The following MTHFD1L variants were observed in gnomAD, a reference collection of about 807,000 sequenced individuals.
The protein encoded by MTHFD1L is methylenetetrahydrofolate dehydrogenase (NADP+ dependent) 1 like, also known as monofunctional C1-tetrahydrofolate synthase, mitochondrial.
A neutral mutation model predicts 119.5 loss-of-function variants in MTHFD1L; 81 were observed. The observed-to-expected ratio is 0.68, with a 90% CI of 0.57 to 0.82. The LOEUF (loss-of-function observed/expected upper bound fraction) is 0.82. Ranked by LOEUF, MTHFD1L falls within the 40% of genes least tolerant of loss-of-function variation. The pLI is 0.00. For missense variants in MTHFD1L, 1,125 were observed against 1,253.4 expected, an observed-to-expected ratio of 0.90 and a Z score of 1.55; for synonymous variants, 430 against 475.2, an observed-to-expected ratio of 0.90 and a Z score of 1.24.
At chr6:150,916,792 T>G (rs1788044276) in intron 8 of MTHFD1L, among the ~76,000 whole-genome samples, 1 of 115,522 alleles carries the variant, frequency 8.7e-6, no homozygotes, top group African/African-American at 3.4e-5. Flanking sequence ...GGTGGAGTTT[T>G]GCTCTTGTTG....
chr6:150,983,947 T>A (rs890971235), intron 20 of MTHFD1L, among the ~76,000 whole-genome samples: 3 of 152,070 alleles, frequency 2.0e-5, no homozygotes, highest in African/African-American at 7.2e-5. Flanking sequence ...ATTGTTCAAT[T>A]TTTTTCTGGA....
intron 26 of MTHFD1L, among the ~76,000 whole-genome samples, chr6:151,084,312 C>T (rs115913380): frequency 2.0e-5 from 3 of 152,172 alleles, no homozygotes; most frequent in Non-Finnish European, 2.9e-5. Flanking sequence ...TGAGAATGAC[C>T]GTGGAGAGAA....
intron 20 of MTHFD1L, among the ~76,000 whole-genome samples, chr6:151,001,876 A>G (rs1780672005): frequency 6.6e-6 from 1 of 152,182 alleles, no homozygotes; most frequent in East Asian, 1.9e-4. Flanking sequence ...GAGGTGATTT[A>G]TAATCTCTAA....
chr6:150,875,909 G>T (rs1346218686), intron 1 of MTHFD1L, 181 bp from the exon 2 acceptor site: 1 of 545,058 alleles, frequency 1.8e-6, no homozygotes, highest in East Asian at 3.3e-5. Flanking sequence ...TTTACCTTGT[G>T]TTAGTGTCTT....
chr6:150,918,481 G>A (rs1174547681), intron 8 of MTHFD1L, 96 bp from the exon 9 acceptor site: 1 of 876,482 alleles, frequency 1.1e-6, no homozygotes. Flanking sequence ...GGTGAAAAAT[G>A]AGACCACTAT....
At chr6:150,919,273 G>T (rs1788500812) in intron 9 of MTHFD1L, among the ~76,000 whole-genome samples, 1 of 151,860 alleles carries the variant, frequency 6.6e-6, no homozygotes, top group African/African-American at 2.4e-5. Context: ...ACCCAGGCTG[G>T]AGTGCAGTGG....
At chr6:150,976,602 G>A (rs914679260) in intron 20 of MTHFD1L, among the ~76,000 whole-genome samples, 1 of 152,152 alleles carries the variant, frequency 6.6e-6, no homozygotes, top group African/African-American at 2.4e-5. Context: ...CCTCATAATA[G>A]GGAAGGATCT....
intron 4 of MTHFD1L, among the ~76,000 whole-genome samples, chr6:150,881,952 C>T (rs981501055): frequency 6.6e-6 from 1 of 152,188 alleles, no homozygotes; most frequent in African/African-American, 2.4e-5. Flanking sequence ...CCAACCCTTC[C>T]CCAGAGCCTC....
chr6:150,942,715 G>A (rs1338876362), intron 13 of MTHFD1L, among the ~76,000 whole-genome samples: 3 of 151,632 alleles, frequency 2.0e-5, no homozygotes, highest in Admixed American at 2.0e-4. Context: ...ATATTTAAAA[G>A]TACAAATATA....
chr6:151,048,901 C>T (rs546950372), intron 26 of MTHFD1L, among the ~76,000 whole-genome samples: 2 of 152,194 alleles, frequency 1.3e-5, no homozygotes, highest in Non-Finnish European at 2.9e-5. Context: ...TTCTCACAAA[C>T]ACCAACCAGG....
intron 8 of MTHFD1L, among the ~76,000 whole-genome samples, chr6:150,907,423 G>T (rs571468027): frequency 5.3e-5 from 8 of 152,300 alleles, no homozygotes; most frequent in Admixed American, 1.3e-4. Flanking sequence ...TGACCATGGG[G>T]TTATGCACAG....
intron 26 of MTHFD1L, among the ~76,000 whole-genome samples, chr6:151,045,420 CCTA>C (rs1787846824): frequency 6.6e-6 from 1 of 152,200 alleles, no homozygotes; most frequent in Non-Finnish European, 1.5e-5. Context: ...CTCCACTTTC[CCTA>C]CTACTTTTCC....
At chr6:150,962,529 T>G (rs1363891260) in intron 18 of MTHFD1L, among the ~76,000 whole-genome samples, 1 of 152,226 alleles carries the variant, frequency 6.6e-6, no homozygotes, top group Non-Finnish European at 1.5e-5. Context: ...TAGGAACTGC[T>G]GAAGGTTTCT....
At chr6:150,959,059 T>C (rs2128994476) in intron 17 of MTHFD1L, 1 of 370,288 alleles carries the variant, frequency 2.7e-6, no homozygotes, top group Non-Finnish European at 3.7e-6. Context: ...AATGGTAGTA[T>C]AGAGAACCCT....
chr6:150,888,696 G>C (rs931747407), intron 7 of MTHFD1L, among the ~76,000 whole-genome samples: 4 of 152,172 alleles, frequency 2.6e-5, no homozygotes, highest in Non-Finnish European at 4.4e-5. Flanking sequence ...AGGACAAAGA[G>C]AGTCAAGACA....
intron 7 of MTHFD1L, among the ~76,000 whole-genome samples, chr6:150,897,587 C>T (rs1784448316): frequency 1.3e-5 from 2 of 152,182 alleles, no homozygotes; most frequent in Admixed American, 6.5e-5. Flanking sequence ...TTTGTAGTCA[C>T]CTGTGGCCAA....
intron 20 of MTHFD1L, among the ~76,000 whole-genome samples, chr6:151,004,789 T>A (rs909827772): frequency 2.6e-5 from 4 of 152,238 alleles, no homozygotes; most frequent in African/African-American, 9.6e-5. Context: ...ATAAGAGTAT[T>A]AGTCAGCGTT....
At chr6:150,910,128 C>T (rs1786609770) in intron 8 of MTHFD1L, among the ~76,000 whole-genome samples, 1 of 151,608 alleles carries the variant, frequency 6.6e-6, no homozygotes, top group South Asian at 2.1e-4. Context: ...TTGCAGTGAG[C>T]CGAGATCACG....
At chr6:150,893,063 A>G (rs1334392793) in intron 7 of MTHFD1L, among the ~76,000 whole-genome samples, 2 of 151,368 alleles carry the variant, frequency 1.3e-5, no homozygotes, top group Non-Finnish European at 2.9e-5. Flanking sequence ...TTAACAACAG[A>G]TAGGGATTTT....
Sources: gnomAD v4.1 joint callset for allele counts (sites outside exome capture counted in the v4.1 genomes callset) on GRCh38, gnomAD v4.1.1 for gene constraint, MANE v1.5 for transcripts, NCBI Gene and HGNC (gene_info 2026-07-23, HGNC 2026-07-21) for gene names.